DNAH7: variants seen among roughly 807,000 people sequenced by gnomAD.
The protein encoded by DNAH7 is dynein axonemal heavy chain 7, also known as axonemal beta dynein heavy chain 7.
In DNAH7, 397 loss-of-function variants were observed where a neutral mutation model predicts 444.6. The ratio of observed to expected loss-of-function variants is 0.89; its 90% CI spans 0.82 to 0.97. DNAH7 has a LOEUF of 0.97. Ranked by LOEUF, DNAH7 falls within the 50% of genes least tolerant of loss-of-function variation. The pLI is 0.00. For missense variants in DNAH7, 4,902 were observed against 4,800.8 expected (o/e 1.02, Z -0.62); for synonymous variants, 1,636 against 1,624.4 (o/e 1.01, Z -0.17).
At chr2:195,867,502 A>G (rs1700413477) in intron 40 of DNAH7, among the ~76,000 whole-genome samples, 2 of 152,214 alleles carry the variant, frequency 1.3e-5, no homozygotes, top group Admixed American at 1.3e-4. Context: ...CAGAATATTC[A>G]CAAAGTTGTG....
chr2:195,808,934 C>T, intron 52 of DNAH7, 58 bp from the exon 53 acceptor site: 1 of 1,447,420 alleles, frequency 6.9e-7, no homozygotes, highest in Non-Finnish European at 9.4e-7. Flanking sequence ...AACTAGTAAG[C>T]TTACAACCAT....
intron 49 of DNAH7, among the ~76,000 whole-genome samples, chr2:195,820,224 T>C (rs1315671405): frequency 6.6e-6 from 1 of 151,678 alleles, no homozygotes; most frequent in Non-Finnish European, 1.5e-5. Context: ...ATGTTCTCAC[T>C]CGTAAGTGGG....
chr2:196,041,508 T>C (rs1232237397), intron 5 of DNAH7, among the ~76,000 whole-genome samples: 1 of 151,910 alleles, frequency 6.6e-6, no homozygotes, highest in Non-Finnish European at 1.5e-5. Flanking sequence ...TGGGTATCCA[T>C]ATGAAGAATA....
In DNAH7 at chr2:195,993,946, G is replaced by A. The variant is rs764086026; in HGVS notation, c.1354-5717C>T. Among the ~76,000 whole-genome samples, 11 of 152,308 alleles carry A rather than the reference G, an allele frequency of 7.2e-5. 1 individual carries two copies. In the South Asian group the frequency reaches 8.3e-4, roughly 11 times the overall value. On this transcript the variant is annotated intron_variant, in intron 12 of 64. Transcript: ENST00000312428. ...GCCAATCCGGGAAGAAGGAATGGAG[G>A]AAGAAAAAGTTAGAGTGAGAAACAC...
At chr2:195,754,555 C>A (rs765062904) in intron 62 of DNAH7, 41 bp from the exon 63 acceptor site, 1 of 1,572,240 alleles carries the variant, frequency 6.4e-7, no homozygotes, top group Non-Finnish European at 8.6e-7. Flanking sequence ...TAGCACCTTT[C>A]AACCTTTTTT....
intron 19 of DNAH7, among the ~76,000 whole-genome samples, chr2:195,939,995 C>G (rs1689314491): frequency 6.6e-6 from 1 of 152,184 alleles, no homozygotes; most frequent in Non-Finnish European, 1.5e-5. Flanking sequence ...CTACCACTGA[C>G]TTTCTTTGCA....
Position 195,957,404 on chromosome 2 carries a change from C to T in DNAH7, c.2935G>A (p.Glu979Lys), listed in dbSNP as rs766259116. The T allele has an allele frequency of 6.3e-7, 1 of 1,595,544 alleles. No homozygotes were observed. Among genetic ancestry groups the T allele is most frequent in the South Asian group, 1.1e-5 (1 of 89,320 alleles). ...KLLLLQEILDEWLKVQATWLY... is the reference protein window; with the variant it reads ...KLLLLQEILDKWLKVQATWLY... The stretch of plus-strand genomic sequence containing the variant: ...CACGTGGCTTGGACTTTGAGCCATT[C>T]ATCCAGAATCTCCTGAAGCAGTAGG... The change falls in exon 19 of 65, where the codon GAA becomes AAA. Residue 979 changes from glutamate (E) to lysine (K), a missense_variant. Transcript: ENST00000312428.
chr2:195,804,396 A>G (rs555761063), intron 54 of DNAH7, among the ~76,000 whole-genome samples: 59 of 152,370 alleles, frequency 3.9e-4, no homozygotes, highest in African/African-American at 1.3e-3. Flanking sequence ...ACTGGATAAT[A>G]TAACGGCATA....
chr2:195,871,300 A>C (rs962352714), intron 40 of DNAH7, among the ~76,000 whole-genome samples: 8 of 152,142 alleles, frequency 5.3e-5, no homozygotes, highest in Non-Finnish European at 8.8e-5. Flanking sequence ...ATGTTTCTTA[A>C]CTGCATATTA....
chr2:196,041,249 C>T (rs1377468204), intron 5 of DNAH7, among the ~76,000 whole-genome samples: 1 of 151,572 alleles, frequency 6.6e-6, no homozygotes, highest in Non-Finnish European at 1.5e-5. Context: ...AGCCCTAATC[C>T]TTAACAACAA....
chr2:195,934,894 G>T, intron 20 of DNAH7, 105 bp from the exon 21 acceptor site: 1 of 1,264,190 alleles, frequency 7.9e-7, no homozygotes, highest in Non-Finnish European at 1.1e-6. Context: ...TGCTGGGAAT[G>T]AAATGCTGTG....
intron 63 of DNAH7, among the ~76,000 whole-genome samples, chr2:195,752,754 T>C (rs1398532862): frequency 6.6e-6 from 1 of 152,070 alleles, no homozygotes. Flanking sequence ...AATATGAAGA[T>C]GGCAACTGGT....
chr2:195,925,382 G>A (rs746346621), intron 22 of DNAH7, among the ~76,000 whole-genome samples: 15 of 152,078 alleles, frequency 9.9e-5, no homozygotes, highest in Non-Finnish European at 1.3e-4. Flanking sequence ...AAAGTAGAAA[G>A]ACAAAATGAA....
At chr2:196,010,557 C>A (rs1465943030) in intron 10 of DNAH7, among the ~76,000 whole-genome samples, 4 of 152,148 alleles carry the variant, frequency 2.6e-5, no homozygotes, top group Non-Finnish European at 5.9e-5. Context: ...TATAATTCAA[C>A]AATTCCACTG....
chr2:196,028,564 T>A (rs1002136390), intron 5 of DNAH7, among the ~76,000 whole-genome samples: 63 of 152,358 alleles, frequency 4.1e-4, no homozygotes, highest in African/African-American at 1.4e-3. Context: ...TTATTGGGTA[T>A]GTGTTCATAT....
Position 195,876,579 on chromosome 2 carries a change from T to G in DNAH7, c.6082A>C (p.Lys2028Gln), listed in dbSNP as rs1701074771. 2 of 1,613,976 alleles carry G rather than the reference T, an allele frequency of 1.2e-6. No individual in the cohort carries two copies. Among genetic ancestry groups the G allele is most frequent in the Non-Finnish European group, 1.7e-6 (2 of 1,179,904 alleles). ...IVMSKLDKRR[K>Q]GVFGPPLGKR... ...CCCAAAGGAGGACCAAAAACTCCCT[T>G]TCTTCTCTTGTCCAATTTTGACATG... Residue 2028 changes from lysine (K) to glutamine (Q), a missense_variant, in exon 37 of 65, where the codon AAG (lysine) becomes CAG (glutamine). By Grantham distance (53) the Lys-to-Gln change is moderately conservative. Coordinates refer to ENST00000312428, the MANE Select transcript of DNAH7 (RefSeq NM_018897.3).
chr2:196,054,028 G>A (rs1277037653), intron 2 of DNAH7, among the ~76,000 whole-genome samples: 2 of 152,104 alleles, frequency 1.3e-5, no homozygotes, highest in East Asian at 1.9e-4. Context: ...ATCTTTGTTG[G>A]GTTAAGTCTC....
At chr2:195,771,941 T>G (rs762144322) in intron 60 of DNAH7, 51 bp from the exon 61 acceptor site, 1 of 1,432,824 alleles carries the variant, frequency 7.0e-7, no homozygotes, top group Non-Finnish European at 9.8e-7. Flanking sequence ...GGTCTAACAA[T>G]AGCTGAATAG....
chr2:195,891,768 A>C lies in DNAH7; in HGVS notation c.4933T>G (p.Leu1645Val), dbSNP rs766634195. The C allele has an allele frequency of 1.2e-6, 2 of 1,604,638 alleles. No homozygotes were observed. The highest frequency in any genetic ancestry group is 1.7e-6 in the Non-Finnish European group (2 of 1,176,482). The change falls in exon 31 of 65, where the codon TTA (leucine) becomes GTA (valine). Residue 1645 changes from leucine (L) to valine (V), a missense_variant. By Grantham distance (32) the Leu-to-Val change is conservative (BLOSUM62 1). Coordinates refer to ENST00000312428, the MANE Select transcript of DNAH7 (RefSeq NM_018897.3). ...CCCATGGTGACAGACTTAGGATTTAAAACAGTTATTTGAACTTTGTTTTCT... is the reference window on the plus strand; with the variant it reads ...CCCATGGTGACAGACTTAGGATTTACAACAGTTATTTGAACTTTGTTTTCT... The part of the protein sequence containing the change: ...MEENKVQITV[L>V]NPKSVTMGQL...
Sources: allele counts gnomAD v4.1 joint callset (sites outside exome capture counted in the v4.1 genomes callset), GRCh38; gene constraint gnomAD v4.1.1; transcripts MANE v1.5; gene names NCBI Gene and HGNC (gene_info 2026-07-23, HGNC 2026-07-21).